Variants in VGLL4 observed in about 807,000 individuals in gnomAD.
VGLL4 encodes the protein vestigial like family member 4.
A neutral mutation model predicts 21.0 loss-of-function variants in VGLL4; 7 were observed. The observed-to-expected ratio is 0.33, with a 90% CI of 0.19 to 0.63. The LOEUF is 0.63. Among genes scored for constraint, VGLL4 ranks in the 20% least tolerant of loss-of-function variants. The probability of loss-of-function intolerance (pLI) is 0.78; values close to 1 mark genes in which losing one functional copy is unlikely to be tolerated. For synonymous variants in VGLL4, 222 were observed against 173.2 expected (o/e 1.28, Z -2.21); for missense variants, 394 against 425.7 (o/e 0.93, Z 0.66).
rs898681177 is a variant in VGLL4 at position 11,570,600 on chromosome 3, A to G, written c.273-5581T>C. Among the ~76,000 whole-genome samples the G allele has an allele frequency of 2.0e-5, 3 of 152,266 alleles. No homozygotes were observed. The East Asian group carries it at 5.8e-4, about 29-fold the overall frequency. On this transcript the variant is annotated intron_variant, in intron 2 of 4. Coordinates refer to ENST00000430365, the MANE Select transcript of VGLL4 (RefSeq NM_001128219.3). Reference sequence around the variant, plus strand: ...AATAAATCATTAAGGTACACATAGTATGTGTGAGTCCAGTTAACAGCGTTT... The same window carrying G: ...AATAAATCATTAAGGTACACATAGTGTGTGTGAGTCCAGTTAACAGCGTTT...
chr3:11,568,749 C>T lies in VGLL4; in HGVS notation c.273-3730G>A. 6.6e-7 allele frequency: 1 copy of T among 1,519,162 alleles called. No homozygotes were observed. Among genetic ancestry groups the T allele is most frequent in the African/African-American group, 1.4e-5 (1 of 72,184 alleles). The allele number at this position is 1,519,162 out of a possible 1,614,324, so 94.1% of individuals were successfully genotyped here. ...ACGGCAGAAAACCGCACGCATCCTG[C>T]CCGGGAGATGGAAGTCGCCTCCGCT... On this transcript the variant is annotated intron_variant, in intron 2 of 4. Coordinates refer to ENST00000430365, the MANE Select transcript of VGLL4 (RefSeq NM_001128219.3). The surrounding 1 kb of genome is among the most constrained non-coding windows in gnomAD (Gnocchi z 5.9).
chr3:11,669,751 C>G (rs571352974), intron 2 of VGLL4, among the ~76,000 whole-genome samples: 1 of 152,152 alleles, frequency 6.6e-6, no homozygotes, highest in East Asian at 1.9e-4. Flanking sequence ...GTGATCACAG[C>G]TCATTATAGC....
At chr3:11,706,989 G>A (rs2076769462) in intron 1 of VGLL4, among the ~76,000 whole-genome samples, 2 of 152,044 alleles carry the variant, frequency 1.3e-5, no homozygotes, top group African/African-American at 4.8e-5. Context: ...CCCTGAGCTG[G>A]CCCGTGACAT....
At chr3:11,685,789 C>A (rs1018573791) in intron 2 of VGLL4, among the ~76,000 whole-genome samples, 2 of 151,882 alleles carry the variant, frequency 1.3e-5, no homozygotes, top group Non-Finnish European at 2.9e-5. Context: ...GAGGTCAAGG[C>A]GGTGGTGAGC....
At chr3:11,573,707 T>A (rs1281030869) in intron 2 of VGLL4, among the ~76,000 whole-genome samples, 3 of 152,258 alleles carry the variant, frequency 2.0e-5, no homozygotes, top group Non-Finnish European at 2.9e-5. Flanking sequence ...CAGTTGAGCA[T>A]CTTTTCATAC....
In VGLL4 at chr3:11,656,690, C is replaced by T. The variant is rs548932880; in HGVS notation, c.64+46281G>A. Reference sequence around the variant, plus strand: ...TCTCACCACAGCAAAGCAGGCCACTCGCATAGCAAGCCAGGTAAGCACTGG... The same window carrying T: ...TCTCACCACAGCAAAGCAGGCCACTTGCATAGCAAGCCAGGTAAGCACTGG... On this transcript the variant is annotated intron_variant, in intron 2 of 5. Transcript: ENST00000273038. Among the ~76,000 whole-genome samples the T allele has an allele frequency of 2.0e-5, 3 of 152,292 alleles. No individual in the cohort carries two copies. In the South Asian group the frequency reaches 6.2e-4, roughly 32 times the overall value.
chr3:11,596,340 TATTATACCCTCAGC>T (rs1405551063), intron 2 of VGLL4, among the ~76,000 whole-genome samples: 2 of 152,238 alleles, frequency 1.3e-5, no homozygotes, highest in Non-Finnish European at 2.9e-5. Flanking sequence ...ATCCTGTGAC[TATTATACCCTCAGC>T]ATGGGAGAAG....
chr3:11,677,801 A>AGG lies in VGLL4; in HGVS notation c.64+25168_64+25169dup, dbSNP rs1412269703. ...GCACCTGTAGTCCCAGCTACTTGAG[A>AGG]GGTTGAGGCAGGGGAATCGCTTGAA... On this transcript the variant is annotated intron_variant, in intron 2 of 5. Transcript: ENST00000273038. Among the ~76,000 whole-genome samples the AGG allele has an allele frequency of 2.0e-5, 3 of 150,164 alleles. 1 individual carries two copies. The highest frequency in any genetic ancestry group is 7.4e-5 in the African/African-American group (3 of 40,806).
intron 1 of VGLL4, among the ~76,000 whole-genome samples, chr3:11,606,766 A>G (rs2074950714): frequency 6.6e-6 from 1 of 152,214 alleles, no homozygotes; most frequent in Non-Finnish European, 1.5e-5. Context: ...GGACATAGGC[A>G]GGGACAAATA....
rs576886185 is a variant in VGLL4 at position 11,557,789 on chromosome 3, T to TAACA, written c.*763_*766dup. On this transcript the variant is annotated 3_prime_UTR_variant, in exon 5 of 5. Coordinates refer to ENST00000430365, the MANE Select transcript of VGLL4 (RefSeq NM_001128219.3). ...GAATCCTCCAACCTCAGCTCTAGTCTAACAAACTGCAGTGTTCAGAGAAGA... is the reference window on the plus strand; with the variant it reads ...GAATCCTCCAACCTCAGCTCTAGTCTAACAAACAAACTGCAGTGTTCAGAGAAGA... 3.5e-4 allele frequency: 54 copies of TAACA among 152,774 alleles called. No individual in the cohort carries two copies. The highest frequency in any genetic ancestry group is 3.0e-3 in the Admixed American group (46 of 15,298). The allele number at this position is 152,774 out of a possible 1,614,324, so 9.5% of individuals were successfully genotyped here. A position where few individuals can be genotyped will look rare whatever the true frequency, so the allele number is the denominator to read the frequency against.
intron 2 of VGLL4, among the ~76,000 whole-genome samples, chr3:11,575,053 G>C (rs866532207): frequency 6.6e-6 from 1 of 152,032 alleles, no homozygotes; most frequent in African/African-American, 2.4e-5. Flanking sequence ...CTTCTTCAAC[G>C]CTCGTGCCAA....
rs1331947457 is a variant in VGLL4 at position 11,573,291 on chromosome 3, GA to G, written c.273-8273del. Among the ~76,000 whole-genome samples, 31 of 10,922 alleles carry G rather than the reference GA, an allele frequency of 2.8e-3. 5 individuals carry two copies. The highest frequency in any genetic ancestry group is 0.021 in the African/African-American group (29 of 1,352). The allele number at this position is 10,922 out of a possible 152,430, so 7.2% of individuals were successfully genotyped here. The stretch of plus-strand genomic sequence containing the variant: ...AGAAAGAAAGAAAGAAAGAAAGAAA[GA>G]AAGAAAGAAAGAAAGGAAGGAAGGA... On this transcript the variant is annotated intron_variant, in intron 2 of 4. Coordinates refer to ENST00000430365, the MANE Select transcript of VGLL4 (RefSeq NM_001128219.3).
chr3:11,646,268 AAAAC>A (rs2075790420), upstream of VGLL4, among the ~76,000 whole-genome samples: 1 of 152,246 alleles, frequency 6.6e-6, no homozygotes, highest in South Asian at 2.1e-4. Flanking sequence ...CATTGCACTG[AAAAC>A]AAACAATATC....
rs1024641218 is a variant in VGLL4 at position 11,642,210 on chromosome 3, A to G, written c.82+1227T>C. 5.9e-5 allele frequency among the ~76,000 whole-genome samples: 9 copies of G among 152,334 alleles called. No individual in the cohort carries two copies. The South Asian group carries it at 1.2e-3, about 21-fold the overall frequency. Reference sequence around the variant, plus strand: ...ATTCACGAAAATTCTCATAGCAGGAACTAGTAGGAGTAAAGAAAAACAAAT... The same window carrying G: ...ATTCACGAAAATTCTCATAGCAGGAGCTAGTAGGAGTAAAGAAAAACAAAT... On this transcript the variant is annotated intron_variant, in intron 1 of 4. Transcript: ENST00000430365.
intron 2 of VGLL4, among the ~76,000 whole-genome samples, chr3:11,676,136 C>T (rs1211801033): frequency 6.6e-6 from 1 of 152,030 alleles, no homozygotes; most frequent in African/African-American, 2.4e-5. Flanking sequence ...GCCTGTAATC[C>T]CAGCACTTTG....
chr3:11,576,199 C>T (rs1399307607), intron 2 of VGLL4, among the ~76,000 whole-genome samples: 1 of 152,164 alleles, frequency 6.6e-6, no homozygotes, highest in Non-Finnish European at 1.5e-5. Context: ...TGCCCACCTG[C>T]GGCCATGACC....
At chr3:11,603,354 A>T (rs2074852289) in intron 1 of VGLL4, among the ~76,000 whole-genome samples, 1 of 152,202 alleles carries the variant, frequency 6.6e-6, no homozygotes, top group South Asian at 2.1e-4. Context: ...ATTTTAAATG[A>T]GATACCTAAA....
At chr3:11,619,682 G>A (rs1310789014) in intron 1 of VGLL4, among the ~76,000 whole-genome samples, 2 of 152,110 alleles carry the variant, frequency 1.3e-5, no homozygotes, top group African/African-American at 4.8e-5. Context: ...GGAAAAATCA[G>A]GCCGATTGAT....
upstream of VGLL4, among the ~76,000 whole-genome samples, chr3:11,645,197 AAAAAC>A (rs1437360658): frequency 4.3e-5 from 6 of 140,390 alleles, 1 homozygote; most frequent in African/African-American, 1.6e-4. Context: ...TAGAAAAAAA[AAAAAC>A]AAAAACTAAA....
Sources: gnomAD v4.1 joint callset for allele counts (sites outside exome capture counted in the v4.1 genomes callset) on GRCh38, gnomAD v4.1.1 for gene constraint, Gnocchi (gnomAD v3.1) non-coding constraint, MANE v1.5 for transcripts, NCBI Gene and HGNC (gene_info 2026-07-23, HGNC 2026-07-21) for gene names.